The following RBPMS variants were observed in gnomAD, a reference collection of about 807,000 sequenced individuals.
RBPMS encodes the protein RNA-binding protein with multiple splicing.
Under a neutral mutation model 26.8 loss-of-function variants are expected in RBPMS, and 7 were observed. That is an observed-to-expected ratio of 0.26 (90% CI 0.15 to 0.49). The LOEUF is 0.49. Ranked by LOEUF, RBPMS falls within the 20% of genes least tolerant of loss-of-function variation. The pLI is 0.98. For missense variants in RBPMS, 186 were observed against 250.0 expected, an observed-to-expected ratio of 0.74 and a Z score of 1.73; for synonymous variants, 96 against 93.3, an observed-to-expected ratio of 1.03 and a Z score of -0.17.
chr8:30,556,659 T>C (rs1826948859), intron 6 of RBPMS: 1 of 985,912 alleles, frequency 1.0e-6, no homozygotes. Context: ...TGTGTTTAGG[T>C]GTCCAGCCCC....
chr8:30,388,408 T>C (rs1364581546), intron 1 of RBPMS, among the ~76,000 whole-genome samples: 2 of 149,068 alleles, frequency 1.3e-5, no homozygotes, highest in Non-Finnish European at 3.0e-5. Flanking sequence ...GCTTATAACT[T>C]ATAGCTATAG....
rs1828237355 is a variant in RBPMS at position 30,571,143 on chromosome 8, G to GTGTT, written c.*619_*622dup. The GTGTT allele has an allele frequency of 1.3e-5, 2 of 152,168 alleles. No individual in the cohort carries two copies. The highest frequency in any genetic ancestry group is 2.4e-5 in the African/African-American group (1 of 41,400). 9.4% of individuals were successfully genotyped at this position (152,168 alleles called of 1,614,324 possible). On this transcript the variant is annotated 3_prime_UTR_variant, in exon 9 of 9. Transcript: ENST00000397323. ...GTTAGAAACAGAACTGTTATTTGCA[G>GTGTT]TGTTAGGTCTAGGATCCCAGTTCTA...
At chr8:30,450,508 C>A (rs1814437573) in intron 1 of RBPMS, among the ~76,000 whole-genome samples, 1 of 152,082 alleles carries the variant, frequency 6.6e-6, no homozygotes, top group African/African-American at 2.4e-5. Context: ...AGAGTCAGTT[C>A]CTGTGATACT....
rs535482474 is a variant in RBPMS, at chr8:30,523,883, CTTTTTGT to C, written c.397+19449_397+19455del. On this transcript the variant is annotated intron_variant, in intron 5 of 8. Coordinates refer to ENST00000397323, the MANE Select transcript of RBPMS (RefSeq NM_001008710.3). The stretch of plus-strand genomic sequence containing the variant: ...GATGGTCTACTCATTTTTCCTTTAA[CTTTTTGT>C]TATGGAAAATTTCAAACATATCTAA... 5.9e-5 allele frequency among the ~76,000 whole-genome samples: 9 copies of C among 152,064 alleles called. No individual in the cohort carries two copies. In the East Asian group the frequency reaches 1.7e-3, roughly 29 times the overall value.
At chr8:30,496,700 G>A (rs1373295641) in intron 4 of RBPMS, among the ~76,000 whole-genome samples, 2 of 152,148 alleles carry the variant, frequency 1.3e-5, no homozygotes, top group African/African-American at 2.4e-5. Context: ...ATGTTTGAGT[G>A]TCACAAGTTT....
chr8:30,419,635 T>C (rs539255762), intron 1 of RBPMS, among the ~76,000 whole-genome samples: 7 of 152,156 alleles, frequency 4.6e-5, no homozygotes, highest in Non-Finnish European at 1.0e-4. Flanking sequence ...TTCATGCACA[T>C]GAGTATTAAA....
chr8:30,560,493 G>T (rs983279161), intron 7 of RBPMS, among the ~76,000 whole-genome samples: 1 of 152,320 alleles, frequency 6.6e-6, no homozygotes, highest in East Asian at 1.9e-4. Flanking sequence ...AGTTGAGAGA[G>T]AGCGCTCTGT....
intron 1 of RBPMS, among the ~76,000 whole-genome samples, chr8:30,390,270 A>T (rs1418695656): frequency 6.6e-6 from 1 of 152,210 alleles, no homozygotes; most frequent in East Asian, 1.9e-4. Flanking sequence ...AGTTTTGCTC[A>T]CAAGCCTAGC....
At chr8:30,479,501 T>C in intron 4 of RBPMS, 124 bp downstream of exon 4, 1 of 748,288 alleles carries the variant, frequency 1.3e-6, no homozygotes, top group South Asian at 1.6e-5. Flanking sequence ...GAGGGATTCA[T>C]CAATTTAATT....
At chr8:30,463,076 T>C (rs1816113057) in intron 1 of RBPMS, among the ~76,000 whole-genome samples, 1 of 152,230 alleles carries the variant, frequency 6.6e-6, no homozygotes, top group African/African-American at 2.4e-5. Context: ...TACCATCACA[T>C]GCACCTTCTC....
At chr8:30,391,178 G>C (rs1407426030) in intron 1 of RBPMS, among the ~76,000 whole-genome samples, 1 of 152,064 alleles carries the variant, frequency 6.6e-6, no homozygotes, top group East Asian at 1.9e-4. Flanking sequence ...TGGTCCATCA[G>C]ATAGCCACTG....
intron 1 of RBPMS, among the ~76,000 whole-genome samples, chr8:30,430,734 T>G (rs1038647032): frequency 6.6e-6 from 1 of 152,216 alleles, no homozygotes; most frequent in Non-Finnish European, 1.5e-5. Context: ...TAACACCATA[T>G]TTAGTGGTTT....
Position 30,444,967 on chromosome 8 carries a change from A to G in RBPMS, c.67-29812A>G, listed in dbSNP as rs1356725777. On this transcript the variant is annotated intron_variant, in intron 1 of 8. Transcript: ENST00000397323. ...TTATTTCTAGAACATGATGGTGTAG[A>G]AAATTCTTAAATTTTAGGCAACTTA... 2.0e-5 allele frequency: 3 copies of G among 152,198 alleles called. No homozygotes were observed. The East Asian group carries it at 5.8e-4, about 29-fold the overall frequency. 9.4% of individuals were successfully genotyped at this position (152,198 alleles called of 1,614,324 possible). A position where few individuals can be genotyped will look rare whatever the true frequency, so the allele number is the denominator to read the frequency against.
chr8:30,385,529 C>CGG (rs375768408), intron 1 of RBPMS: 1 of 181,716 alleles, frequency 5.5e-6, no homozygotes, highest in African/African-American at 2.4e-5. Flanking sequence ...GATTCAGGGT[C>CGG]GGGGGGGGAG....
At chr8:30,475,431 T>C (rs972487111) in intron 2 of RBPMS, among the ~76,000 whole-genome samples, 2 of 152,184 alleles carry the variant, frequency 1.3e-5, no homozygotes, top group Non-Finnish European at 2.9e-5. Context: ...CTTTTGAAGG[T>C]TGGCCTTTGG....
At chr8:30,421,586 A>G (rs1431399626) in intron 1 of RBPMS, among the ~76,000 whole-genome samples, 2 of 152,220 alleles carry the variant, frequency 1.3e-5, no homozygotes, top group Non-Finnish European at 2.9e-5. Context: ...CTAGGTACCT[A>G]CTATGTGCCA....
At chr8:30,543,608 T>G (rs1283963477) in intron 5 of RBPMS, among the ~76,000 whole-genome samples, 2 of 152,178 alleles carry the variant, frequency 1.3e-5, no homozygotes, top group Non-Finnish European at 2.9e-5. Flanking sequence ...GGGCCCAGAT[T>G]CCTTGCTATT....
intron 1 of RBPMS, among the ~76,000 whole-genome samples, chr8:30,432,898 TA>T (rs1321080477): frequency 2.0e-5 from 3 of 152,226 alleles, no homozygotes; most frequent in African/African-American, 7.2e-5. Context: ...CCTTTTCGCT[TA>T]AACATTCTGT....
At chr8:30,491,726 G>T (rs1387125091) in intron 4 of RBPMS, among the ~76,000 whole-genome samples, 4 of 151,924 alleles carry the variant, frequency 2.6e-5, no homozygotes, top group Non-Finnish European at 4.4e-5. Context: ...AGTAAACTTT[G>T]CAGAACGATC....
Sources: allele counts gnomAD v4.1 joint callset (sites outside exome capture counted in the v4.1 genomes callset), GRCh38; gene constraint gnomAD v4.1.1; transcripts MANE v1.5; gene names NCBI Gene and HGNC (gene_info 2026-07-23, HGNC 2026-07-21).